HP1BP3: variants seen among roughly 807,000 people sequenced by gnomAD.
HP1BP3 encodes heterochromatin protein 1-binding protein 3.
A neutral mutation model predicts 62.5 loss-of-function variants in HP1BP3; 12 were observed. That is an observed-to-expected ratio of 0.19 (90% CI 0.12 to 0.31). HP1BP3 has a LOEUF of 0.31. Ranked by LOEUF, HP1BP3 falls within the 10% of genes least tolerant of loss-of-function variation. The probability of loss-of-function intolerance (pLI) is 1.00; values close to 1 mark genes in which losing one functional copy is unlikely to be tolerated. For missense variants in HP1BP3, 502 were observed against 651.8 expected (o/e 0.77, Z 2.50); for synonymous variants, 260 against 237.8 (o/e 1.09, Z -0.86).
intron 6 of HP1BP3, among the ~76,000 whole-genome samples, chr1:20,769,424 G>A (rs1039452755): frequency 8.5e-5 from 13 of 152,062 alleles, no homozygotes; most frequent in African/African-American, 2.4e-4. Context: ...TGGGTGTGCT[G>A]GTGCACACCT....
chr1:20,774,252 C>G (rs1026114524), intron 4 of HP1BP3: 1 of 152,018 alleles, frequency 6.6e-6, no homozygotes, highest in African/African-American at 2.4e-5. Context: ...GCCTGTAATC[C>G]CAGCAATTTA....
chr1:20,761,602 T>C (rs918092062), intron 8 of HP1BP3, among the ~76,000 whole-genome samples: 1 of 152,212 alleles, frequency 6.6e-6, no homozygotes, highest in Non-Finnish European at 1.5e-5. Flanking sequence ...GGCATCCGTA[T>C]ACACGAATCT....
chr1:20,756,848 T>C (rs1224335343), intron 9 of HP1BP3, among the ~76,000 whole-genome samples: 1 of 152,134 alleles, frequency 6.6e-6, no homozygotes, highest in Non-Finnish European at 1.5e-5. Flanking sequence ...CCCAAGTAGT[T>C]GGGACCACAG....
rs140251612 is a variant in HP1BP3 at position 20,758,001 on chromosome 1, C to T, written c.891-745G>A. The stretch of plus-strand genomic sequence containing the variant: ...TCTACTAAAAATACAAAAAAATTAA[C>T]GGGGCGTGGTGTCAGGCAACTGTAG... On this transcript the variant is annotated intron_variant, in intron 8 of 12. Transcript: ENST00000438032. Among the ~76,000 whole-genome samples the T allele has an allele frequency of 4.5e-3, 690 of 151,976 alleles. 6 individuals carry two copies. Among genetic ancestry groups the T allele is most frequent in the African/African-American group, 0.015 (604 of 41,464 alleles).
At chr1:20,782,668 G>A (rs1034718694) in intron 1 of HP1BP3, among the ~76,000 whole-genome samples, 5 of 151,912 alleles carry the variant, frequency 3.3e-5, no homozygotes, top group South Asian at 2.1e-4. Context: ...TTGGGAGGCC[G>A]AGGCGGATAG....
chr1:20,757,615 C>G (rs1409870076), intron 8 of HP1BP3, among the ~76,000 whole-genome samples: 1 of 152,038 alleles, frequency 6.6e-6, no homozygotes, highest in Non-Finnish European at 1.5e-5. Context: ...AGGTGATCTG[C>G]CTGACTCGGC....
Position 20,747,470 on chromosome 1 carries a change from G to A in HP1BP3, c.1253+74C>T, listed in dbSNP as rs1232202635. The A allele has an allele frequency of 4.2e-6, 4 of 941,392 alleles. No individual in the cohort carries two copies. In the Admixed American group the frequency reaches 9.8e-5, roughly 23 times the overall value. The allele number at this position is 941,392 out of a possible 1,614,324, so 58.3% of individuals were successfully genotyped here. A position where few individuals can be genotyped will look rare whatever the true frequency, so the allele number is the denominator to read the frequency against. On this transcript the variant is annotated intron_variant, in intron 11 of 12. Coordinates refer to ENST00000438032, the MANE Select transcript of HP1BP3 (RefSeq NM_001372052.1). ...TCCAGTTCACTAAAACAGTAATAAG[G>A]GTAAAATAAATTAAACTGAGTGTGT...
chr1:20,753,749 C>T (rs561934434), intron 9 of HP1BP3, among the ~76,000 whole-genome samples: 18 of 152,216 alleles, frequency 1.2e-4, no homozygotes, highest in African/African-American at 4.3e-4. Flanking sequence ...ACAGACCACA[C>T]GAACAAAGGA....
In HP1BP3 at chr1:20,742,919, T is replaced by G. The variant is rs1356224049; in HGVS notation, c.*1878A>C. 1 of 152,616 alleles carries G rather than the reference T, an allele frequency of 6.6e-6. No individual in the cohort carries two copies. The highest frequency in any genetic ancestry group is 1.5e-5 in the Non-Finnish European group (1 of 68,034). The allele number at this position is 152,616 out of a possible 1,614,324, so 9.5% of individuals were successfully genotyped here. A position where few individuals can be genotyped will look rare whatever the true frequency, so the allele number is the denominator to read the frequency against. ...GGAATGAATAAGAAACAAACATCTT[T>G]TGCCTCTGGCAGTACTCAAGGGGCC... On this transcript the variant is annotated 3_prime_UTR_variant, in exon 13 of 13. Coordinates refer to ENST00000438032, the MANE Select transcript of HP1BP3 (RefSeq NM_001372052.1).
chr1:20,773,883 G>T, intron 4 of HP1BP3: 1 of 244,626 alleles, frequency 4.1e-6, no homozygotes, highest in Non-Finnish European at 7.7e-6. Flanking sequence ...TAAGACAAAT[G>T]AGAATTTTAA....
intron 10 of HP1BP3, 88 bp from the exon 11 acceptor site, chr1:20,747,743 T>C (rs2055430756): frequency 2.7e-6 from 2 of 745,386 alleles, no homozygotes; most frequent in South Asian, 1.7e-5. Flanking sequence ...ATCAATTTAA[T>C]ATCCTGTCAC....
Position 20,767,787 on chromosome 1 carries a change from AAAAAC to A in HP1BP3, c.655-128_655-124del, listed in dbSNP as rs905324760. 2.3e-4 allele frequency: 147 copies of A among 627,436 alleles called. No homozygotes were observed. In the Middle Eastern group the frequency reaches 3.0e-3, roughly 13 times the overall value. 38.9% of individuals were successfully genotyped at this position (627,436 alleles called of 1,614,324 possible). On this transcript the variant is annotated intron_variant, in intron 6 of 12. Transcript: ENST00000438032. ...TGTTTACTTCTTCAGAGAAAAAAAA[AAAAAC>A]AGTCAATGCAGAGTCAAAAGACTTC... is the stretch of plus-strand genomic sequence containing the variant.
intron 8 of HP1BP3, among the ~76,000 whole-genome samples, chr1:20,759,305 A>G (rs1570596607): frequency 6.6e-6 from 1 of 152,298 alleles, no homozygotes; most frequent in African/African-American, 2.4e-5. Flanking sequence ...GAGGCTGATG[A>G]GGCAGAAGAA....
intron 12 of HP1BP3, 105 bp downstream of exon 12, chr1:20,745,438 C>T (rs1409309730): frequency 1.5e-6 from 2 of 1,338,776 alleles, no homozygotes; most frequent in East Asian, 5.0e-5. Context: ...GAGAAGGATC[C>T]TGAGTTTCTG....
At chr1:20,755,390 G>A (rs566219248) in intron 9 of HP1BP3, 62 of 452,592 alleles carry the variant, frequency 1.4e-4, no homozygotes, top group Non-Finnish European at 2.0e-4. Context: ...TGGGCAACAC[G>A]GCGAAACCCC....
At chr1:20,763,151 G>A (rs780038239) in intron 8 of HP1BP3, among the ~76,000 whole-genome samples, 2 of 152,090 alleles carry the variant, frequency 1.3e-5, no homozygotes, top group South Asian at 2.1e-4. Flanking sequence ...CACCATGATT[G>A]TAAGTTTCCT....
intron 8 of HP1BP3, among the ~76,000 whole-genome samples, chr1:20,759,906 C>T (rs1439933308): frequency 7.5e-6 from 1 of 132,672 alleles, no homozygotes; most frequent in Non-Finnish European, 1.5e-5. Context: ...TTTTTTGCCC[C>T]GAGACAGAGT....
At chr1:20,765,332 G>C in intron 8 of HP1BP3, 45 bp downstream of exon 8, 1 of 1,363,326 alleles carries the variant, frequency 7.3e-7, no homozygotes, top group South Asian at 1.4e-5. Flanking sequence ...GGGAGCTAAA[G>C]GAAGTAACAC....
intron 1 of HP1BP3, among the ~76,000 whole-genome samples, chr1:20,781,662 T>C (rs2057555312): frequency 6.6e-6 from 1 of 152,262 alleles, no homozygotes; most frequent in African/African-American, 2.4e-5. Flanking sequence ...AGTCTTGCTC[T>C]GTTGCCCAGG....
Sources: allele counts gnomAD v4.1 joint callset (sites outside exome capture counted in the v4.1 genomes callset), GRCh38; gene constraint gnomAD v4.1.1; transcripts MANE v1.5; gene names NCBI Gene and HGNC (gene_info 2026-07-23, HGNC 2026-07-21).